CACHD1: variants seen among roughly 807,000 people sequenced by gnomAD.
The protein encoded by CACHD1 is VWFA and cache domain-containing protein 1.
Under a neutral mutation model 138.7 loss-of-function variants are expected in CACHD1, and 71 were observed. The ratio of observed to expected loss-of-function variants is 0.51; its 90% CI spans 0.42 to 0.62. The LOEUF (loss-of-function observed/expected upper bound fraction) is 0.62, where lower values mean the gene tolerates loss of function less well. Ranked by LOEUF, CACHD1 falls within the 20% of genes least tolerant of loss-of-function variation. The probability of loss-of-function intolerance (pLI) is 0.00; values close to 1 mark genes in which losing one functional copy is unlikely to be tolerated. For synonymous variants in CACHD1, 578 were observed against 591.5 expected, an observed-to-expected ratio of 0.98 and a Z score of 0.33; for missense variants, 1,389 against 1,625.3, an observed-to-expected ratio of 0.85 and a Z score of 2.50.
intron 2 of CACHD1, among the ~76,000 whole-genome samples, chr1:64,568,029 AT>A (rs1468174905): frequency 6.6e-6 from 1 of 152,196 alleles, no homozygotes; most frequent in Non-Finnish European, 1.5e-5. Flanking sequence ...TAAACAAGAC[AT>A]AAAAATAAGT....
At chr1:64,553,175 CA>C (rs1206343990) in intron 2 of CACHD1, among the ~76,000 whole-genome samples, 2 of 152,172 alleles carry the variant, frequency 1.3e-5, no homozygotes, top group Non-Finnish European at 2.9e-5. Flanking sequence ...ATTATTACAA[CA>C]ACATAACAAT....
chr1:64,576,984 C>G (rs1646973696), intron 2 of CACHD1, among the ~76,000 whole-genome samples: 1 of 151,092 alleles, frequency 6.6e-6, no homozygotes, highest in African/African-American at 2.4e-5. Flanking sequence ...GATGGGGTAT[C>G]ATAGGGTGGA....
At chr1:64,556,608 G>A (rs1236723219) in intron 2 of CACHD1, among the ~76,000 whole-genome samples, 1 of 152,154 alleles carries the variant, frequency 6.6e-6, no homozygotes, top group Non-Finnish European at 1.5e-5. Context: ...GGTTAGGGGA[G>A]CAAAGGAATT....
At chr1:64,618,008 A>C (rs1415494131) in intron 4 of CACHD1, among the ~76,000 whole-genome samples, 1 of 151,768 alleles carries the variant, frequency 6.6e-6, no homozygotes, top group Non-Finnish European at 1.5e-5. Flanking sequence ...TGAATGCAGG[A>C]GGCAGAGGTT....
chr1:64,528,767 T>A (rs1414378122), intron 1 of CACHD1, among the ~76,000 whole-genome samples: 1 of 152,140 alleles, frequency 6.6e-6, no homozygotes, highest in African/African-American at 2.4e-5. Flanking sequence ...TTGTGGGATC[T>A]CTGAAAAGAA....
chr1:64,499,853 T>C (rs931513898), intron 1 of CACHD1, among the ~76,000 whole-genome samples: 3 of 152,226 alleles, frequency 2.0e-5, no homozygotes, highest in Non-Finnish European at 4.4e-5. Flanking sequence ...GTGGGTGTTC[T>C]TTACAATCTT....
At chr1:64,522,467 C>T in intron 1 of CACHD1, among the ~76,000 whole-genome samples, 1 of 152,092 alleles carries the variant, frequency 6.6e-6, no homozygotes, top group Non-Finnish European at 1.5e-5. Flanking sequence ...GCAACCACGA[C>T]CGGCTAAATT....
intron 4 of CACHD1, among the ~76,000 whole-genome samples, chr1:64,615,360 G>A (rs769140796): frequency 1.6e-4 from 24 of 152,206 alleles, no homozygotes; most frequent in Non-Finnish European, 1.2e-4. Context: ...TGTCAGCAAA[G>A]GCCTCTGCCA....
At chr1:64,572,484 A>G (rs1646934080) in intron 2 of CACHD1, among the ~76,000 whole-genome samples, 1 of 152,092 alleles carries the variant, frequency 6.6e-6, no homozygotes, top group East Asian at 1.9e-4. Context: ...CCTTGAGTTG[A>G]TAACCTTGGC....
At chr1:64,669,049 A>G (rs546896146) in intron 16 of CACHD1, among the ~76,000 whole-genome samples, 18 of 152,262 alleles carry the variant, frequency 1.2e-4, no homozygotes, top group African/African-American at 3.9e-4. Flanking sequence ...AAAGTGAGAT[A>G]TTAGAGCCTA....
At chr1:64,532,742 G>T (rs148223280) in intron 1 of CACHD1, among the ~76,000 whole-genome samples, 1 of 152,316 alleles carries the variant, frequency 6.6e-6, no homozygotes, top group Admixed American at 6.5e-5. Flanking sequence ...TTTGGGCCTG[G>T]AAGTGGCAAG....
At chr1:64,535,693 G>A (rs1388513550) in intron 1 of CACHD1, among the ~76,000 whole-genome samples, 2 of 152,142 alleles carry the variant, frequency 1.3e-5, no homozygotes, top group Non-Finnish European at 2.9e-5. Context: ...GAAATTGACA[G>A]TAGAAATGTC....
chr1:64,660,911 T>G lies in CACHD1; in HGVS notation c.1951+2038T>G, dbSNP rs151255159. 7.3e-3 allele frequency among the ~76,000 whole-genome samples: 1,113 copies of G among 152,318 alleles called. 5 individuals are homozygous for G. The highest frequency in any genetic ancestry group is 0.011 in the Non-Finnish European group (729 of 68,030). ...TGCATTTCAGTTGGACAGCAAGCACTGCCTCATAGAGATTATTCAGATAAT... is the reference window on the plus strand; with the variant it reads ...TGCATTTCAGTTGGACAGCAAGCACGGCCTCATAGAGATTATTCAGATAAT... On this transcript the variant is annotated intron_variant, in intron 13 of 26. Transcript: ENST00000651257.
At chr1:64,631,660 T>C (rs773934240) in intron 5 of CACHD1, among the ~76,000 whole-genome samples, 42 of 152,326 alleles carry the variant, frequency 2.8e-4, no homozygotes, top group Admixed American at 6.5e-4. Flanking sequence ...GCTTTAAAAC[T>C]GTGAATAGAG....
chr1:64,659,678 A>G (rs1179317454), intron 13 of CACHD1, among the ~76,000 whole-genome samples: 1 of 152,254 alleles, frequency 6.6e-6, no homozygotes, highest in African/African-American at 2.4e-5. Flanking sequence ...TGCCAGACAC[A>G]TACTAGGCAT....
Position 64,470,907 on chromosome 1 carries a change from C to G in CACHD1, c.163C>G (p.Leu55Val). The G allele has an allele frequency of 6.2e-7, 1 of 1,608,462 alleles. No individual in the cohort carries two copies. Among genetic ancestry groups the G allele is most frequent in the Non-Finnish European group, 8.5e-7 (1 of 1,177,596 alleles). ...AGTGCTGGCGAGCCAGATGCGGAGG[C>G]TGGCGGCCGAGGAGCTGGGGGTCGT... Reference protein sequence around the residue: ...AQVLASQMRRLAAEELGVVTM... With the variant: ...AQVLASQMRRVAAEELGVVTM... The change falls in exon 1 of 27, where the codon CTG becomes GTG. Residue 55 changes from leucine (L) to valine (V), a missense_variant. By Grantham distance (32) the Leu-to-Val change is conservative (BLOSUM62 1). Coordinates refer to ENST00000651257, the MANE Select transcript of CACHD1 (RefSeq NM_020925.4). The surrounding 1 kb of genome is among the most constrained non-coding windows in gnomAD (Gnocchi z 5.2).
intron 4 of CACHD1, among the ~76,000 whole-genome samples, chr1:64,610,210 G>A (rs1445776216): frequency 6.6e-6 from 1 of 152,184 alleles, no homozygotes; most frequent in Non-Finnish European, 1.5e-5. Context: ...TGAGATTTAG[G>A]TGGGGACACA....
At position 64,541,719 on chromosome 1, in the gene CACHD1, C is replaced by T. The variant is rs1646678797; in HGVS notation, c.199-8875C>T. ...TGCTGGTACGCTCCTGTATTTCCAG[C>T]TACTCAGGAGGCTGAGGCGAGAGGA... is the stretch of plus-strand genomic sequence containing the variant. On this transcript the variant is annotated intron_variant, in intron 1 of 26. Transcript: ENST00000651257. Among the ~76,000 whole-genome samples the T allele has an allele frequency of 1.3e-5, 2 of 152,168 alleles. 1 individual carries two copies. The highest frequency in any genetic ancestry group is 4.1e-4 in the South Asian group (2 of 4,832).
chr1:64,652,074 C>T lies in CACHD1; in HGVS notation c.1391-87C>T, dbSNP rs981978815. The T allele has an allele frequency of 4.3e-6, 5 of 1,171,616 alleles. No individual in the cohort carries two copies. In the Admixed American group the frequency reaches 8.1e-5, roughly 19 times the overall value. 72.6% of individuals were successfully genotyped at this position (1,171,616 alleles called of 1,614,324 possible). On this transcript the variant is annotated intron_variant, in intron 9 of 26. Coordinates refer to ENST00000651257, the MANE Select transcript of CACHD1 (RefSeq NM_020925.4). ...ACAAAATTGAGACAGCTGATAGAAG[C>T]CTTCATGATTCACCGGAGCACAGTT...
Sources: gnomAD v4.1 joint callset for allele counts (sites outside exome capture counted in the v4.1 genomes callset) on GRCh38, gnomAD v4.1.1 for gene constraint, Gnocchi (gnomAD v3.1) non-coding constraint, MANE v1.5 for transcripts, NCBI Gene and HGNC (gene_info 2026-07-23, HGNC 2026-07-21) for gene names.